Variants in JCAD observed in about 807,000 individuals in gnomAD.
JCAD encodes the protein junctional cadherin 5-associated protein.
Under a neutral mutation model 98.0 loss-of-function variants are expected in JCAD, and 40 were observed. The ratio of observed to expected loss-of-function variants is 0.41; its 90% CI spans 0.32 to 0.53. The LOEUF (loss-of-function observed/expected upper bound fraction) is 0.53, where lower values mean the gene tolerates loss of function less well. Ranked by LOEUF, JCAD falls within the 20% of genes least tolerant of loss-of-function variation. The pLI is 0.31. For synonymous variants in JCAD, 691 were observed against 682.3 expected, an observed-to-expected ratio of 1.01 and a Z score of -0.20; for missense variants, 1,705 against 1,738.1, an observed-to-expected ratio of 0.98 and a Z score of 0.34.
rs994412101 is a variant in JCAD, at chr10:30,026,872, A to C, written c.3276T>G (p.Ile1092Met). 6.2e-7 allele frequency: 1 copy of C among 1,613,672 alleles called. No individual in the cohort carries two copies. The highest frequency in any genetic ancestry group is 1.3e-5 in the African/African-American group (1 of 74,844). The part of the protein sequence containing the change: ...LQARAARILG[I>M]EVAVESLLPG... ...GCAGGAGGGACTCCACCGCCACCTC[A>C]ATGCCCAGGATCCTTGCAGCCCTGG... is the stretch of plus-strand genomic sequence containing the variant. Residue 1092 changes from isoleucine to methionine, a missense_variant, in exon 3 of 4, where the codon ATT becomes ATG. This residue lies in a region of JCAD where 1,278 missense variants were observed against 1,243.1 expected (regional missense o/e 1.03). Transcript: ENST00000375377.
chr10:30,106,298 G>T (rs1291241770), intron 1 of JCAD, among the ~76,000 whole-genome samples: 2 of 152,200 alleles, frequency 1.3e-5, no homozygotes, highest in East Asian at 1.9e-4. Context: ...GGGCATGATG[G>T]TGTGTGCCTG....
chr10:30,047,080 T>C (rs983268583), intron 2 of JCAD, among the ~76,000 whole-genome samples: 1 of 151,974 alleles, frequency 6.6e-6, no homozygotes, highest in Admixed American at 6.6e-5. Context: ...GAGTGAGACC[T>C]TGTCTCTAAA....
intron 1 of JCAD, among the ~76,000 whole-genome samples, chr10:30,084,644 G>A (rs943511885): frequency 2.6e-5 from 4 of 152,154 alleles, no homozygotes; most frequent in African/African-American, 9.7e-5. Flanking sequence ...GCTCTTCCAG[G>A]TCTCAACCCT....
intron 1 of JCAD, among the ~76,000 whole-genome samples, chr10:30,079,530 C>T (rs1838042305): frequency 1.3e-5 from 2 of 152,034 alleles, no homozygotes; most frequent in South Asian, 4.1e-4. Context: ...ACTCAATCAC[C>T]ATTGCCCCTG....
In JCAD at chr10:30,029,280, C is replaced by G; in HGVS notation, c.868G>C (p.Gly290Arg). Residue 290 changes from glycine to arginine, a missense_variant, in exon 3 of 4, where the codon GGG becomes CGG. Gly to Arg is a moderately radical substitution (Grantham distance 125, BLOSUM62 -2). Transcript: ENST00000375377. ...CSAPFPRPKFGRPLKPPSYSS... is the reference protein window; with the variant it reads ...CSAPFPRPKFRRPLKPPSYSS... ...TAAGATGGGGGCTTGAGGGGCCTCC[C>G]AAACTTAGGCCGGGGAAATGGGGCT... 6.2e-7 allele frequency: 1 copy of G among 1,614,148 alleles called. No homozygotes were observed. Among genetic ancestry groups the G allele is most frequent in the Non-Finnish European group, 8.5e-7 (1 of 1,180,032 alleles).
intron 1 of JCAD, among the ~76,000 whole-genome samples, chr10:30,079,967 G>A (rs544339132): frequency 6.6e-6 from 1 of 152,036 alleles, no homozygotes; most frequent in Admixed American, 6.5e-5. Flanking sequence ...CACAGAAAGA[G>A]CAAGAATGAT....
At chr10:30,018,021 T>C in intron 3 of JCAD, 104 bp from the exon 4 acceptor site, 1 of 795,700 alleles carries the variant, frequency 1.3e-6, no homozygotes, top group South Asian at 1.7e-5. Context: ...AATCTACAAG[T>C]GTATAAAGGT....
At chr10:30,097,372 G>T (rs1049448546) in intron 1 of JCAD, among the ~76,000 whole-genome samples, 1 of 152,094 alleles carries the variant, frequency 6.6e-6, no homozygotes, top group Non-Finnish European at 1.5e-5. Flanking sequence ...GCACCATAAA[G>T]CCCACACTCT....
intron 1 of JCAD, among the ~76,000 whole-genome samples, chr10:30,094,081 A>T: frequency 6.6e-6 from 1 of 152,108 alleles, no homozygotes; most frequent in East Asian, 1.9e-4. Flanking sequence ...TTGGGGGTTG[A>T]TAAAGGGAAA....
chr10:30,067,521 C>A (rs1378995646), intron 2 of JCAD, among the ~76,000 whole-genome samples: 1 of 151,998 alleles, frequency 6.6e-6, no homozygotes, highest in African/African-American at 2.4e-5. Context: ...AGAGACAGGG[C>A]TTCACCATTT....
intron 2 of JCAD, among the ~76,000 whole-genome samples, chr10:30,046,650 G>C (rs999277945): frequency 6.6e-5 from 10 of 152,206 alleles, no homozygotes; most frequent in Non-Finnish European, 1.2e-4. Flanking sequence ...GCAAGATGAA[G>C]AGATTACAAG....
upstream of JCAD, among the ~76,000 whole-genome samples, chr10:30,063,276 G>A (rs1837729995): frequency 6.6e-6 from 1 of 152,216 alleles, no homozygotes; most frequent in African/African-American, 2.4e-5. Flanking sequence ...AGCCCTGGAT[G>A]CCCAATGTCC....
chr10:30,044,393 T>G (rs1232396207), intron 2 of JCAD, among the ~76,000 whole-genome samples: 7 of 152,214 alleles, frequency 4.6e-5, no homozygotes, highest in Admixed American at 4.6e-4. Context: ...TGTTGAGGAC[T>G]GGCTCAAAGT....
intron 1 of JCAD, among the ~76,000 whole-genome samples, chr10:30,109,051 G>A (rs372159697): frequency 1.4e-4 from 22 of 152,112 alleles, no homozygotes; most frequent in African/African-American, 5.1e-4. Context: ...GCTGCTCTCC[G>A]CTGCACGCCC....
At chr10:30,022,753 G>A (rs928886397) in intron 3 of JCAD, among the ~76,000 whole-genome samples, 1 of 152,134 alleles carries the variant, frequency 6.6e-6, no homozygotes, top group African/African-American at 2.4e-5. Flanking sequence ...AGATGACAGT[G>A]GTCCCATAAG....
intron 1 of JCAD, among the ~76,000 whole-genome samples, chr10:30,053,583 A>T (rs1837511993): frequency 6.6e-6 from 1 of 151,796 alleles, no homozygotes; most frequent in Non-Finnish European, 1.5e-5. Flanking sequence ...AAGAAAAGAA[A>T]AGAAAAGAAT....
At chr10:30,049,953 G>A (rs1298745570) in intron 1 of JCAD, among the ~76,000 whole-genome samples, 1 of 152,166 alleles carries the variant, frequency 6.6e-6, no homozygotes, top group Non-Finnish European at 1.5e-5. Context: ...ATTAGGCAAA[G>A]AGCATGTGTT....
At chr10:30,068,205 A>G (rs1837817711) in intron 2 of JCAD, among the ~76,000 whole-genome samples, 1 of 152,074 alleles carries the variant, frequency 6.6e-6, no homozygotes. Flanking sequence ...CCTGGCCAAC[A>G]TGGCAAAACC....
At chr10:30,026,024 A>G in intron 3 of JCAD, 79 bp downstream of exon 3, 3 of 1,513,628 alleles carry the variant, frequency 2.0e-6, no homozygotes, top group Non-Finnish European at 2.7e-6. Flanking sequence ...GATTTACATT[A>G]TCCACCAACC....
Sources: allele counts gnomAD v4.1 joint callset (sites outside exome capture counted in the v4.1 genomes callset), GRCh38; gene constraint gnomAD v4.1.1; regional missense constraint gnomAD v4.1.1; transcripts MANE v1.5; gene names NCBI Gene and HGNC (gene_info 2026-07-23, HGNC 2026-07-21).